Variants in ATP23 observed in about 807,000 individuals in gnomAD.
ATP23 encodes the protein ATP23 metallopeptidase and ATP synthase assembly factor homolog.
A neutral mutation model predicts 28.5 loss-of-function variants in ATP23; 24 were observed. That is an observed-to-expected ratio of 0.84 (90% CI 0.61 to 1.18). The LOEUF is 1.18. Ranked by LOEUF, ATP23 falls within the 50% of genes most tolerant of loss-of-function variation. ATP23 has a pLI of 0.00. For synonymous variants in ATP23, 99 were observed against 108.6 expected, an observed-to-expected ratio of 0.91 and a Z score of 0.55; for missense variants, 274 against 306.4, an observed-to-expected ratio of 0.89 and a Z score of 0.79.
intron 1 of ATP23, among the ~76,000 whole-genome samples, chr12:57,943,895 T>C (rs917866783): frequency 2.6e-5 from 4 of 151,662 alleles, no homozygotes; most frequent in Admixed American, 1.3e-4. Context: ...GAGGGTCTTT[T>C]GGTGGTATTA....
In ATP23 at chr12:57,957,025, A is replaced by T; in HGVS notation, c.*135A>T. 2 of 678,090 alleles carry T rather than the reference A, an allele frequency of 2.9e-6. No individual in the cohort carries two copies. The highest frequency in any genetic ancestry group is 4.3e-6 in the Non-Finnish European group (2 of 465,618). The allele number at this position is 678,090 out of a possible 1,614,324, so 42.0% of individuals were successfully genotyped here. ...AAACAGAGAAGACTGTGATTCTAGC[A>T]TATTATCAGAAAAAGTAACTATGGC... On this transcript the variant is annotated 3_prime_UTR_variant, in exon 6 of 6. Coordinates refer to ENST00000300145, the MANE Select transcript of ATP23 (RefSeq NM_033276.4).
At chr12:57,954,060 T>G (rs1956842025) in intron 5 of ATP23, among the ~76,000 whole-genome samples, 1 of 151,902 alleles carries the variant, frequency 6.6e-6, no homozygotes. Flanking sequence ...CTGGGCGTAG[T>G]GGAGCACACC....
chr12:57,951,171 C>T (rs1956810741), intron 3 of ATP23, among the ~76,000 whole-genome samples: 1 of 152,092 alleles, frequency 6.6e-6, no homozygotes, highest in Admixed American at 6.5e-5. Context: ...TGGCATTTGC[C>T]CTCATTCTAG....
intron 5 of ATP23, among the ~76,000 whole-genome samples, chr12:57,954,241 A>G (rs1279292565): frequency 1.3e-5 from 2 of 151,090 alleles, no homozygotes; most frequent in Non-Finnish European, 2.9e-5. Flanking sequence ...CATCTGGGAT[A>G]CTTTTCGATG....
intron 1 of ATP23, among the ~76,000 whole-genome samples, chr12:57,944,887 T>C (rs970708783): frequency 2.6e-5 from 4 of 152,198 alleles, no homozygotes; most frequent in African/African-American, 7.2e-5. Context: ...AGAGCTTCAG[T>C]GGCAGGTCCA....
rs533672899 is a variant in ATP23, at chr12:57,950,586, G to A, written c.316-1172G>A. On this transcript the variant is annotated intron_variant, in intron 3 of 5. Coordinates refer to ENST00000300145, the MANE Select transcript of ATP23 (RefSeq NM_033276.4). ...CTTGCCCAGGCTGGAGTTCAGTGGCGTGTTCCTGGCTCACTGCAGCACCAA... is the reference window on the plus strand; with the variant it reads ...CTTGCCCAGGCTGGAGTTCAGTGGCATGTTCCTGGCTCACTGCAGCACCAA... Among the ~76,000 whole-genome samples, 27 of 150,594 alleles carry A rather than the reference G, an allele frequency of 1.8e-4. 1 individual carries two copies. Among genetic ancestry groups the A allele is most frequent in the African/African-American group, 5.4e-4 (22 of 40,872 alleles).
chr12:57,949,350 T>A (rs76891869), intron 3 of ATP23, among the ~76,000 whole-genome samples: 2,087 of 152,308 alleles, frequency 0.014, 50 homozygotes, highest in African/African-American at 0.047. Context: ...TAGAGCCCCT[T>A]CTTTTCTTAC....
chr12:57,954,238 G>A (rs1402006568), intron 5 of ATP23, among the ~76,000 whole-genome samples: 2 of 150,702 alleles, frequency 1.3e-5, no homozygotes, highest in Non-Finnish European at 2.9e-5. Context: ...TTGCATCTGG[G>A]ATACTTTTCG....
rs1956753023 is a variant in ATP23 at position 57,945,619 on chromosome 12, C to A, written c.188-9C>A. On this transcript the variant is annotated splice_polypyrimidine_tract_variant and intron_variant, in intron 1 of 5. Transcript: ENST00000300145. ...TCCAATTACTTAATTAAATCAATAT[C>A]TTTTTTAGATCCATATGTCAAACTT... 6.2e-7 allele frequency: 1 copy of A among 1,609,742 alleles called. No individual in the cohort carries two copies. Among genetic ancestry groups the A allele is most frequent in the Admixed American group, 1.7e-5 (1 of 59,916 alleles).
rs772713907 is a variant in ATP23 at position 57,958,071 on chromosome 12, C to T, written c.*1181C>T. Reference sequence around the variant, plus strand: ...CATGGTGGGAGTGAGACTGGCCCTTCGGCTTGTGTGGGAGCTGGGTGAGGC... The same window carrying T: ...CATGGTGGGAGTGAGACTGGCCCTTTGGCTTGTGTGGGAGCTGGGTGAGGC... On this transcript the variant is annotated 3_prime_UTR_variant, in exon 6 of 6. Coordinates refer to ENST00000300145, the MANE Select transcript of ATP23 (RefSeq NM_033276.4). Among the ~76,000 whole-genome samples, 3 of 152,120 alleles carry T rather than the reference C, an allele frequency of 2.0e-5. No individual in the cohort carries two copies. The highest frequency in any genetic ancestry group is 6.5e-5 in the Admixed American group (1 of 15,274).
chr12:57,944,090 G>T, intron 1 of ATP23, among the ~76,000 whole-genome samples: 1 of 138,648 alleles, frequency 7.2e-6, no homozygotes, highest in Non-Finnish European at 1.5e-5. Context: ...AAGGACTACA[G>T]ACTTTTGAAA....
At chr12:57,949,716 A>G (rs1956796893) in intron 3 of ATP23, 2 of 152,368 alleles carry the variant, frequency 1.3e-5, no homozygotes, top group African/African-American at 4.8e-5. Flanking sequence ...GCTGGTCTTA[A>G]ACTCCTGGCC....
intron 1 of ATP23, among the ~76,000 whole-genome samples, chr12:57,942,788 A>G (rs1245813565): frequency 1.3e-5 from 2 of 152,114 alleles, no homozygotes; most frequent in Admixed American, 6.5e-5. Flanking sequence ...AAAGAGGCCA[A>G]CGACCCCACA....
Position 57,941,612 on chromosome 12 carries a change from C to A in ATP23, c.-90C>A, listed in dbSNP as rs1393026061. 1.3e-6 allele frequency: 2 copies of A among 1,503,176 alleles called. No homozygotes were observed. The highest frequency in any genetic ancestry group is 1.8e-6 in the Non-Finnish European group (2 of 1,124,540). The allele number at this position is 1,503,176 out of a possible 1,614,324, so 93.1% of individuals were successfully genotyped here. A position where few individuals can be genotyped will look rare whatever the true frequency, so the allele number is the denominator to read the frequency against. ...CTTCCCTGCGGAGGGAGGGCCTGGG[C>A]GGTCGCGTTGGCGGGAGGGAGGTTA... On this transcript the variant is annotated 5_prime_UTR_variant, in exon 1 of 6. Transcript: ENST00000300145.
At chr12:57,942,914 G>C (rs190659829) in intron 1 of ATP23, among the ~76,000 whole-genome samples, 130 of 152,182 alleles carry the variant, frequency 8.5e-4, no homozygotes, top group Admixed American at 2.2e-3. Context: ...CATTGACATA[G>C]ACTTCTTAAG....
In ATP23 at chr12:57,942,397, GTA is replaced by G. The variant is rs576081622; in HGVS notation, c.187+511_187+512del. On this transcript the variant is annotated intron_variant, in intron 1 of 5. Coordinates refer to ENST00000300145, the MANE Select transcript of ATP23 (RefSeq NM_033276.4). ...CCTGAAATGGTCTGTGAAATCGTGT[GTA>G]TGTGTGTGTGTGTGCCCCTAAGTGC... Among the ~76,000 whole-genome samples, 863 of 151,282 alleles carry G rather than the reference GTA, an allele frequency of 5.7e-3. 9 individuals are homozygous for G. The highest frequency in any genetic ancestry group is 0.018 in the African/African-American group (729 of 41,236).
chr12:57,955,341 T>G (rs1956856824), intron 5 of ATP23, among the ~76,000 whole-genome samples: 1 of 151,434 alleles, frequency 6.6e-6, no homozygotes, highest in Non-Finnish European at 1.5e-5. Context: ...ACACAATCTT[T>G]GAAAGAGGAA....
Position 57,957,302 on chromosome 12 carries a change from A to G in ATP23, c.*412A>G, listed in dbSNP as rs935787167. ...GTAGGATACTTATTGAGCTGTTGTT[A>G]TGATGAAAATTGGAAATAATTCATT... On this transcript the variant is annotated 3_prime_UTR_variant, in exon 6 of 6. Transcript: ENST00000300145. The G allele has an allele frequency of 1.9e-5, 3 of 156,130 alleles. No individual in the cohort carries two copies. The highest frequency in any genetic ancestry group is 7.2e-5 in the African/African-American group (3 of 41,532). 9.7% of individuals were successfully genotyped at this position (156,130 alleles called of 1,614,324 possible).
Position 57,956,696 on chromosome 12 carries a change from C to A in ATP23, c.547C>A (p.Arg183=). Residue 183 remains arginine, a synonymous_variant, in exon 6 of 6, where the codon CGA becomes AGA. Transcript: ENST00000300145. The stretch of plus-strand genomic sequence containing the variant: ...TTTTCCTTCTTTTTAGACTTGTGTG[C>A]GAGACAGAGCCACTCTTTCTATCCT... ...GLKQHHQTCV[R]DRATLSILAV... is the part of the protein sequence containing the mutation. 1 of 1,605,382 alleles carries A rather than the reference C, an allele frequency of 6.2e-7. No homozygotes were observed. The highest frequency in any genetic ancestry group is 8.5e-7 in the Non-Finnish European group (1 of 1,175,974).
Sources: gnomAD v4.1 joint callset for allele counts (sites outside exome capture counted in the v4.1 genomes callset) on GRCh38, gnomAD v4.1.1 for gene constraint, MANE v1.5 for transcripts, NCBI Gene and HGNC (gene_info 2026-07-23, HGNC 2026-07-21) for gene names.